The following TEK variants were observed in gnomAD, a reference collection of about 807,000 sequenced individuals.
The protein encoded by TEK is TEK receptor tyrosine kinase.
TEK carries 43 observed loss-of-function variants against 131.8 expected under a neutral mutation model. The observed-to-expected ratio is 0.33, with a 90% CI of 0.26 to 0.42. The LOEUF (loss-of-function observed/expected upper bound fraction) is 0.42, where lower values mean the gene tolerates loss of function less well. Ranked by LOEUF, TEK falls within the 10% of genes least tolerant of loss-of-function variation. The pLI, the probability that TEK is intolerant of heterozygous loss-of-function variation, is 1.00. For synonymous variants in TEK, 580 were observed against 491.6 expected (o/e 1.18, Z -2.38); for missense variants, 1,162 against 1,384.4 (o/e 0.84, Z 2.55).
chr9:27,137,701 T>C (rs1336327215), intron 1 of TEK, among the ~76,000 whole-genome samples: 1 of 152,218 alleles, frequency 6.6e-6, no homozygotes, highest in African/African-American at 2.4e-5. Context: ...CGTTTTACTC[T>C]CAATTTTAGT....
chr9:27,229,467 G>A lies in TEK; in HGVS notation c.*235G>A. 1 of 553,398 alleles carries A rather than the reference G, an allele frequency of 1.8e-6. No individual in the cohort carries two copies. The highest frequency in any genetic ancestry group is 3.2e-6 in the Non-Finnish European group (1 of 309,326). The allele number at this position is 553,398 out of a possible 1,614,324, so 34.3% of individuals were successfully genotyped here. A position where few individuals can be genotyped will look rare whatever the true frequency, so the allele number is the denominator to read the frequency against. On this transcript the variant is annotated 3_prime_UTR_variant, in exon 23 of 23. Coordinates refer to ENST00000380036, the MANE Select transcript of TEK (RefSeq NM_000459.5). ...GGCTGAAATCAGAATGCCTGTTTGT[G>A]GTTTCATATGCAATAATATATTTTT...
intron 21 of TEK, among the ~76,000 whole-genome samples, chr9:27,224,154 G>A (rs957574366): frequency 2.6e-5 from 4 of 152,120 alleles, no homozygotes; most frequent in Non-Finnish European, 4.4e-5. Context: ...AGGACCAGAC[G>A]GATCCACAGC....
In TEK at chr9:27,145,667, G is replaced by T. The variant is rs187237561; in HGVS notation, c.53-12164G>T. Among the ~76,000 whole-genome samples, 49 of 152,314 alleles carry T rather than the reference G, an allele frequency of 3.2e-4. No homozygotes were observed. The South Asian group carries it at 4.4e-3, about 14-fold the overall frequency. On this transcript the variant is annotated intron_variant, in intron 1 of 22. Coordinates refer to ENST00000380036, the MANE Select transcript of TEK (RefSeq NM_000459.5). Reference sequence around the variant, plus strand: ...CAGGCAATTAGTAATTCACAAAATAGTCACCTGGGTTTAAGATGTATTACT... The same window carrying T: ...CAGGCAATTAGTAATTCACAAAATATTCACCTGGGTTTAAGATGTATTACT...
chr9:27,219,910 C>A, intron 20 of TEK, 139 bp from the exon 21 acceptor site: 1 of 837,694 alleles, frequency 1.2e-6, no homozygotes, highest in Non-Finnish European at 2.0e-6. Context: ...AGTGAGTTTG[C>A]CAAGGGAGGC....
chr9:27,135,544 T>G (rs934364090), intron 1 of TEK, among the ~76,000 whole-genome samples: 1 of 152,218 alleles, frequency 6.6e-6, no homozygotes, highest in Non-Finnish European at 1.5e-5. Context: ...ATACTGTTAA[T>G]ACAGCCTCCA....
Position 27,190,518 on chromosome 9 carries a change from AT to A in TEK, c.1328-9del. 6.2e-7 allele frequency: 1 copy of A among 1,613,924 alleles called. No individual in the cohort carries two copies. The highest frequency in any genetic ancestry group is 8.5e-7 in the Non-Finnish European group (1 of 1,179,822). ...CCGAAGGACTAATCTGCCTTCTGAA[AT>A]TGTATTTAGTTCTTCCAAAGCCCCT... On this transcript the variant is annotated splice_polypyrimidine_tract_variant and intron_variant, in intron 9 of 22. Transcript: ENST00000380036.
At chr9:27,144,517 G>T (rs1822843708) in intron 1 of TEK, among the ~76,000 whole-genome samples, 1 of 152,146 alleles carries the variant, frequency 6.6e-6, no homozygotes, top group Non-Finnish European at 1.5e-5. Flanking sequence ...ATTTAGGCCT[G>T]CAGTTTGATA....
chr9:27,113,356 C>T (rs1821421123), intron 1 of TEK, among the ~76,000 whole-genome samples: 3 of 152,024 alleles, frequency 2.0e-5, no homozygotes, highest in African/African-American at 7.3e-5. Context: ...TTTGGGAGGC[C>T]CAGGCAGGTG....
chr9:27,113,127 T>C (rs1189064032), intron 1 of TEK, among the ~76,000 whole-genome samples: 1 of 152,172 alleles, frequency 6.6e-6, no homozygotes, highest in African/African-American at 2.4e-5. Flanking sequence ...GGAGGAAACA[T>C]GGATTACAAA....
rs2131242995 is a variant in TEK, at chr9:27,218,904, G to C, written c.3103+87G>C. Reference sequence around the variant, plus strand: ...ACTCCCTTGCTGCATAATTCCACAGGATGCCGTTTGTATGTGGTTCTACCA... The same window carrying C: ...ACTCCCTTGCTGCATAATTCCACAGCATGCCGTTTGTATGTGGTTCTACCA... On this transcript the variant is annotated intron_variant, in intron 20 of 22. Coordinates refer to ENST00000380036, the MANE Select transcript of TEK (RefSeq NM_000459.5). 3.1e-6 allele frequency: 4 copies of C among 1,280,482 alleles called. No homozygotes were observed. The South Asian group carries it at 4.8e-5, about 15-fold the overall frequency. The allele number at this position is 1,280,482 out of a possible 1,614,324, so 79.3% of individuals were successfully genotyped here.
chr9:27,229,457 G>A lies in TEK; in HGVS notation c.*225G>A. 1.7e-6 allele frequency: 1 copy of A among 571,496 alleles called. No homozygotes were observed. Among genetic ancestry groups the A allele is most frequent in the Non-Finnish European group, 3.1e-6 (1 of 319,960 alleles). The allele number at this position is 571,496 out of a possible 1,614,324, so 35.4% of individuals were successfully genotyped here. A position where few individuals can be genotyped will look rare whatever the true frequency, so the allele number is the denominator to read the frequency against. On this transcript the variant is annotated 3_prime_UTR_variant, in exon 23 of 23. Coordinates refer to ENST00000380036, the MANE Select transcript of TEK (RefSeq NM_000459.5). ...TTTAAGAATGGGCTGAAATCAGAAT[G>A]CCTGTTTGTGGTTTCATATGCAATA...
intron 1 of TEK, among the ~76,000 whole-genome samples, chr9:27,150,658 T>C (rs186377972): frequency 6.6e-6 from 1 of 152,120 alleles, no homozygotes; most frequent in Admixed American, 6.5e-5. Flanking sequence ...GTAAAACCTC[T>C]TCCGGTGTAA....
chr9:27,228,092 G>C, intron 21 of TEK, 114 bp from the exon 22 acceptor site: 2 of 793,914 alleles, frequency 2.5e-6, no homozygotes, highest in Non-Finnish European at 4.2e-6. Flanking sequence ...GCTGTACTTT[G>C]GTTAAGCTTC....
chr9:27,214,192 T>C (rs73427184), intron 18 of TEK, among the ~76,000 whole-genome samples: 4,881 of 152,296 alleles, frequency 0.032, 224 homozygotes, highest in African/African-American at 0.11. Context: ...GGAAGAGAGA[T>C]ACTCATTCTG....
chr9:27,191,109 A>G (rs555664276), intron 10 of TEK, among the ~76,000 whole-genome samples: 1 of 152,220 alleles, frequency 6.6e-6, no homozygotes, highest in South Asian at 2.1e-4. Context: ...TTGCTGCTGT[A>G]TTGAGTTGTT....
intron 3 of TEK, 79 bp downstream of exon 3, chr9:27,168,684 T>A (rs1823833462): frequency 1.8e-6 from 2 of 1,082,144 alleles, no homozygotes; most frequent in East Asian, 5.1e-5. Context: ...CATTTTCCTA[T>A]TGTGGTCTTG....
intron 13 of TEK, 99 bp from the exon 14 acceptor site, chr9:27,204,812 G>A: frequency 6.5e-7 from 1 of 1,540,726 alleles, no homozygotes; most frequent in Non-Finnish European, 8.9e-7. Flanking sequence ...TAAGGCTGCT[G>A]TTAAGTTCCC....
chr9:27,211,903 C>T (rs775294030), intron 16 of TEK, among the ~76,000 whole-genome samples: 6 of 151,218 alleles, frequency 4.0e-5, no homozygotes, highest in African/African-American at 4.9e-5. Flanking sequence ...CAAGTAAATT[C>T]CCTTTAAAAA....
chr9:27,183,281 T>C (rs972529358), intron 7 of TEK, among the ~76,000 whole-genome samples, 178 bp from the exon 8 acceptor site: 4 of 152,148 alleles, frequency 2.6e-5, no homozygotes, highest in African/African-American at 9.7e-5. Flanking sequence ...TCCTCATCCA[T>C]AAAATGGGAG....
Sources: allele counts gnomAD v4.1 joint callset (sites outside exome capture counted in the v4.1 genomes callset), GRCh38; gene constraint gnomAD v4.1.1; transcripts MANE v1.5; gene names NCBI Gene and HGNC (gene_info 2026-07-23, HGNC 2026-07-21).